Variants in COBL observed in about 807,000 individuals in gnomAD.
COBL encodes protein cordon-bleu.
Under a neutral mutation model 98.8 loss-of-function variants are expected in COBL, and 51 were observed. That is an observed-to-expected ratio of 0.52 (90% CI 0.41 to 0.65). The LOEUF (loss-of-function observed/expected upper bound fraction) is 0.65. Ranked by LOEUF, COBL falls within the 30% of genes least tolerant of loss-of-function variation. The pLI, the probability that COBL is intolerant of heterozygous loss-of-function variation, is 0.00. For synonymous variants in COBL, 634 were observed against 651.7 expected (o/e 0.97, Z 0.41); for missense variants, 1,617 against 1,617.5 (o/e 1.00, Z 0.01).
chr7:51,269,212 G>A (rs1798524910), intron 1 of COBL, among the ~76,000 whole-genome samples: 1 of 152,130 alleles, frequency 6.6e-6, no homozygotes, highest in Admixed American at 6.5e-5. Flanking sequence ...AGGAAGGACG[G>A]GTACAAAAGC....
chr7:51,239,999 C>A (rs753386659), intron 1 of COBL, among the ~76,000 whole-genome samples: 7 of 152,190 alleles, frequency 4.6e-5, no homozygotes, highest in Non-Finnish European at 8.8e-5. Context: ...TGTTCCAATA[C>A]AATCTCACTT....
intron 5 of COBL, among the ~76,000 whole-genome samples, chr7:51,151,810 G>T (rs1785589052): frequency 1.3e-5 from 2 of 152,208 alleles, no homozygotes; most frequent in African/African-American, 4.8e-5. Flanking sequence ...TTCAAGAGCA[G>T]AAAGGGCTCT....
intron 1 of COBL, among the ~76,000 whole-genome samples, chr7:51,294,892 A>C (rs942412221): frequency 1.3e-5 from 2 of 152,036 alleles, no homozygotes; most frequent in African/African-American, 2.4e-5. Flanking sequence ...TTTAAAAAAT[A>C]TTGCCCAATT....
intron 1 of COBL, among the ~76,000 whole-genome samples, chr7:51,307,570 A>G (rs1327764555): frequency 2.6e-5 from 4 of 152,314 alleles, no homozygotes; most frequent in Non-Finnish European, 5.9e-5. Context: ...CCTCCTTTAG[A>G]AAAATCTATC....
chr7:51,118,500 C>T (rs1199202974), intron 6 of COBL, among the ~76,000 whole-genome samples: 1 of 151,946 alleles, frequency 6.6e-6, no homozygotes, highest in Non-Finnish European at 1.5e-5. Context: ...CTGCATTTCA[C>T]AATCTTTTAT....
intron 1 of COBL, among the ~76,000 whole-genome samples, chr7:51,302,259 G>A (rs376329529): frequency 2.0e-5 from 3 of 152,306 alleles, no homozygotes; most frequent in African/African-American, 7.2e-5. Context: ...AAAGTAAATT[G>A]ATAAGACCAT....
chr7:51,147,945 G>T (rs1785189809), intron 5 of COBL, among the ~76,000 whole-genome samples: 1 of 151,688 alleles, frequency 6.6e-6, no homozygotes, highest in Non-Finnish European at 1.5e-5. Flanking sequence ...TTTATTTTTA[G>T]TATAGACGGG....
chr7:51,219,863 G>A lies in COBL; in HGVS notation c.123C>T (p.His41=), dbSNP rs776280256. ...LHVHSDQKPP[H]DGALGSQQNL... is the part of the protein sequence containing the mutation. ...TCTGCTGCGACCCGAGGGCCCCATCGTGGGGGGGCTTCTGGTCACTGTGCA... is the reference window on the plus strand; with the variant it reads ...TCTGCTGCGACCCGAGGGCCCCATCATGGGGGGGCTTCTGGTCACTGTGCA... The change falls in exon 2 of 13, where the codon CAC becomes CAT. Residue 41 remains histidine, a synonymous_variant. Coordinates refer to ENST00000265136, the MANE Select transcript of COBL (RefSeq NM_015198.5). 1.5e-5 allele frequency: 24 copies of A among 1,613,704 alleles called. No homozygotes were observed. Among genetic ancestry groups the A allele is most frequent in the East Asian group, 6.7e-5 (3 of 44,854 alleles).
At chr7:51,196,669 T>G (rs1034512094) in intron 2 of COBL, among the ~76,000 whole-genome samples, 2 of 152,008 alleles carry the variant, frequency 1.3e-5, no homozygotes, top group African/African-American at 4.8e-5. Context: ...TTTTTTTTGG[T>G]TGGTAGGCTA....
rs1224401011 is a variant in COBL at position 51,136,298 on chromosome 7, G to A, written c.817C>T (p.His273Tyr). The change falls in exon 6 of 13, where the codon CAC becomes TAC. Residue 273 changes from histidine to tyrosine, a missense_variant. Coordinates refer to ENST00000265136, the MANE Select transcript of COBL (RefSeq NM_015198.5). ...GGACCCAGCGTAAGAGAACGTGAGT[G>A]CATGGATGGGGAGTTGGGGGTCGTT... ...CLTTPNSPSM[H>Y]SRSLTLGPSL... is the part of the protein sequence containing the mutation. The A allele has an allele frequency of 5.0e-6, 8 of 1,614,010 alleles. No individual in the cohort carries two copies. In the East Asian group the frequency reaches 1.3e-4, roughly 27 times the overall value.
intron 1 of COBL, among the ~76,000 whole-genome samples, chr7:51,275,057 A>G (rs1346627379): frequency 1.3e-5 from 2 of 152,224 alleles, no homozygotes; most frequent in Non-Finnish European, 2.9e-5. Context: ...AGGGAGACAG[A>G]GCAGTGAGAA....
At chr7:51,274,066 T>G (rs1044828295) in intron 1 of COBL, among the ~76,000 whole-genome samples, 1 of 152,120 alleles carries the variant, frequency 6.6e-6, no homozygotes, top group South Asian at 2.1e-4. Flanking sequence ...AATACCACCA[T>G]GCTCACAGTT....
Position 51,229,968 on chromosome 7 carries a change from A to G in COBL, c.42-10024T>C, listed in dbSNP as rs920737939. On this transcript the variant is annotated intron_variant, in intron 1 of 12. Coordinates refer to ENST00000265136, the MANE Select transcript of COBL (RefSeq NM_015198.5). ...AGGGATCTGGTCATGCCTCTAGATC[A>G]CACCCCTACCTTTAGCCCCTGCTGC... Among the ~76,000 whole-genome samples, 7 of 152,070 alleles carry G rather than the reference A, an allele frequency of 4.6e-5. No homozygotes were observed. In the East Asian group the frequency reaches 1.4e-3, roughly 29 times the overall value.
intron 1 of COBL, among the ~76,000 whole-genome samples, chr7:51,261,238 C>A (rs762411971): frequency 9.8e-5 from 15 of 152,340 alleles, no homozygotes; most frequent in Non-Finnish European, 1.9e-4. Flanking sequence ...TTTGGCTGGG[C>A]GTGGTGGCAC....
intron 2 of COBL, among the ~76,000 whole-genome samples, chr7:51,203,754 A>G (rs1264416049): frequency 1.3e-5 from 2 of 152,168 alleles, no homozygotes; most frequent in Non-Finnish European, 2.9e-5. Flanking sequence ...CAAACGGAAA[A>G]GTCCAGGACC....
intron 5 of COBL, among the ~76,000 whole-genome samples, chr7:51,145,474 G>A (rs1230382079): frequency 1.3e-5 from 2 of 151,002 alleles, no homozygotes; most frequent in Non-Finnish European, 2.9e-5. Context: ...TCTACCTCCC[G>A]GGTTCAAGCT....
chr7:51,136,873 G>A (rs567633659), intron 5 of COBL, among the ~76,000 whole-genome samples: 185 of 152,220 alleles, frequency 1.2e-3, no homozygotes, highest in African/African-American at 4.2e-3. Flanking sequence ...GACTGTCTAG[G>A]ACCATCAGTA....
intron 6 of COBL, among the ~76,000 whole-genome samples, chr7:51,128,448 ACAGC>A (rs1429009045): frequency 6.6e-6 from 1 of 152,150 alleles, no homozygotes; most frequent in African/African-American, 2.4e-5. Context: ...ATTTAAAAAG[ACAGC>A]CAGATAGCTA....
Position 51,029,449 on chromosome 7 carries a change from A to T in COBL, c.1647T>A (p.Asp549Glu). Reference sequence around the variant, plus strand: ...AAAACAACCCCGAATCCACAGGATCATCTGAAACTTCCCCTATGAATGTTA... The same window carrying T: ...AAAACAACCCCGAATCCACAGGATCTTCTGAAACTTCCCCTATGAATGTTA... Reference protein sequence around the residue: ...IPVTFIGEVSDDPVDSGLFSN... With the variant: ...IPVTFIGEVSEDPVDSGLFSN... Residue 549 changes from aspartate to glutamate, a missense_variant, in exon 10 of 13, where the codon GAT (aspartate) becomes GAA (glutamate). This residue lies in a region of COBL where 1,304 missense variants were observed against 1,282.0 expected (regional missense o/e 1.02). Transcript: ENST00000265136. 8.1e-6 allele frequency: 13 copies of T among 1,614,198 alleles called. No individual in the cohort carries two copies. Among genetic ancestry groups the T allele is most frequent in the Non-Finnish European group, 1.1e-5 (13 of 1,180,026 alleles).
Sources: allele counts gnomAD v4.1 joint callset (sites outside exome capture counted in the v4.1 genomes callset), GRCh38; gene constraint gnomAD v4.1.1; regional missense constraint gnomAD v4.1.1; transcripts MANE v1.5; gene names NCBI Gene and HGNC (gene_info 2026-07-23, HGNC 2026-07-21).